PRKG1: variants seen among roughly 807,000 people sequenced by gnomAD.
The protein encoded by PRKG1 is protein kinase cGMP-dependent 1.
PRKG1 carries 35 observed loss-of-function variants against 88.1 expected under a neutral mutation model. That is an observed-to-expected ratio of 0.40 (90% CI 0.30 to 0.53). PRKG1 has a LOEUF of 0.53. PRKG1 is among the 20% of genes least tolerant of loss of function. The probability of loss-of-function intolerance (pLI) is 0.59; values close to 1 mark genes in which losing one functional copy is unlikely to be tolerated. For synonymous variants in PRKG1, 303 were observed against 292.5 expected (o/e 1.04, Z -0.37); for missense variants, 540 against 839.8 (o/e 0.64, Z 4.41).
intron 7 of PRKG1, among the ~76,000 whole-genome samples, chr10:52,084,082 G>A (rs1255275855): frequency 6.6e-6 from 1 of 152,024 alleles, no homozygotes; most frequent in Admixed American, 6.6e-5. Flanking sequence ...ATTTCTACAA[G>A]GGAAATAGCG....
rs151218890 is a variant in PRKG1, at chr10:51,711,262, C to T, written c.593-93323C>T. On this transcript the variant is annotated intron_variant, in intron 3 of 17. Transcript: ENST00000373980. Reference sequence around the variant, plus strand: ...CTAGGACTACAGGCGCCCGCCACCACGCCTGGCTAATTTTTTGTATTTTTA... The same window carrying T: ...CTAGGACTACAGGCGCCCGCCACCATGCCTGGCTAATTTTTTGTATTTTTA... Among the ~76,000 whole-genome samples the T allele has an allele frequency of 7.3e-3, 1,111 of 152,174 alleles. 12 individuals carry two copies. The highest frequency in any genetic ancestry group is 0.026 in the African/African-American group (1,062 of 41,508).
intron 3 of PRKG1, among the ~76,000 whole-genome samples, chr10:51,489,282 G>A (rs999587003): frequency 3.3e-5 from 5 of 152,138 alleles, no homozygotes; most frequent in Non-Finnish European, 7.4e-5. Flanking sequence ...AGGCAGACGG[G>A]ACAGGCATGC....
intron 2 of PRKG1, among the ~76,000 whole-genome samples, chr10:51,281,994 A>G (rs148569753): frequency 3.1e-3 from 467 of 152,320 alleles, no homozygotes; most frequent in Non-Finnish European, 4.3e-3. Flanking sequence ...ATCTCCCCAG[A>G]TAATTTCTAA....
chr10:51,392,784 G>T (rs1287449710), intron 2 of PRKG1, among the ~76,000 whole-genome samples: 2 of 140,238 alleles, frequency 1.4e-5, no homozygotes, highest in African/African-American at 5.1e-5. Context: ...CCTCCCTCCC[G>T]GACGGGGCGG....
chr10:52,083,299 T>C (rs1589591528), intron 7 of PRKG1, among the ~76,000 whole-genome samples: 2 of 152,212 alleles, frequency 1.3e-5, no homozygotes, highest in East Asian at 3.9e-4. Flanking sequence ...ACAATTCCAT[T>C]AATTGATTTT....
intron 7 of PRKG1, among the ~76,000 whole-genome samples, chr10:52,086,955 C>T (rs1030773837): frequency 5.3e-5 from 8 of 152,082 alleles, no homozygotes; most frequent in African/African-American, 1.9e-4. Flanking sequence ...GAGAAAAGCC[C>T]CTTATGAAAC....
At chr10:51,621,025 A>ATATATATATATATC (rs1234992888) in intron 3 of PRKG1, among the ~76,000 whole-genome samples, 4 of 146,816 alleles carry the variant, frequency 2.7e-5, no homozygotes, top group Non-Finnish European at 1.5e-5. Context: ...ATATATATAT[A>ATATATATATATATC]TATATATGAC....
intron 3 of PRKG1, among the ~76,000 whole-genome samples, chr10:51,786,547 TG>T (rs1477852053): frequency 6.6e-6 from 1 of 152,108 alleles, no homozygotes; most frequent in Non-Finnish European, 1.5e-5. Context: ...CTAGGTTTGA[TG>T]TTCCTGTGGG....
intron 2 of PRKG1, among the ~76,000 whole-genome samples, chr10:51,374,096 AT>A (rs1564466865): frequency 9.9e-6 from 1 of 100,790 alleles, no homozygotes; most frequent in African/African-American, 3.1e-5. Context: ...AAAAAAAAAT[AT>A]ATATATATAT....
chr10:51,755,077 T>G (rs1227026166), intron 3 of PRKG1, among the ~76,000 whole-genome samples: 1 of 152,178 alleles, frequency 6.6e-6, no homozygotes, highest in East Asian at 1.9e-4. Context: ...TTTCTCTCAT[T>G]TTTTAAGTAT....
chr10:51,617,529 G>C (rs965285960), intron 3 of PRKG1, among the ~76,000 whole-genome samples: 9 of 152,114 alleles, frequency 5.9e-5, no homozygotes, highest in African/African-American at 2.2e-4. Context: ...ACACCAGCAT[G>C]CACTGTTGTA....
intron 3 of PRKG1, among the ~76,000 whole-genome samples, chr10:51,667,297 A>G (rs545526722): frequency 6.6e-6 from 1 of 152,314 alleles, no homozygotes; most frequent in East Asian, 1.9e-4. Flanking sequence ...CTACATGTCA[A>G]ATATATTGTC....
intron 14 of PRKG1, among the ~76,000 whole-genome samples, chr10:52,286,711 G>T (rs894858605): frequency 1.3e-5 from 2 of 151,570 alleles, no homozygotes; most frequent in Non-Finnish European, 1.5e-5. Context: ...TTACAGAAGA[G>T]AAATCTCTAA....
In PRKG1 at chr10:51,581,715, G is replaced by A. The variant is rs1313363783; in HGVS notation, c.592+113879G>A. Among the ~76,000 whole-genome samples, 14 of 152,022 alleles carry A rather than the reference G, an allele frequency of 9.2e-5. No individual in the cohort carries two copies. The South Asian group carries it at 2.9e-3, about 32-fold the overall frequency. On this transcript the variant is annotated intron_variant, in intron 3 of 17. Coordinates refer to ENST00000373980, the MANE Select transcript of PRKG1 (RefSeq NM_006258.4). ...GCAATTTTATATTTACAATAATCAG[G>A]AGCATTTCATCTTTTATTCCATAGC...
chr10:52,258,337 T>G (rs1185557254), intron 10 of PRKG1, among the ~76,000 whole-genome samples: 1 of 139,624 alleles, frequency 7.2e-6, no homozygotes, highest in Non-Finnish European at 1.6e-5. Context: ...TTTTTTGTTT[T>G]CTATGACATA....
At chr10:51,703,959 A>T (rs1841536742) in intron 3 of PRKG1, among the ~76,000 whole-genome samples, 1 of 152,012 alleles carries the variant, frequency 6.6e-6, no homozygotes, top group African/African-American at 2.4e-5. Flanking sequence ...CAACATGGTG[A>T]AATGGTGAAA....
chr10:52,262,341 G>A (rs1365304858), intron 10 of PRKG1, among the ~76,000 whole-genome samples: 1 of 151,896 alleles, frequency 6.6e-6, no homozygotes, highest in Non-Finnish European at 1.5e-5. Context: ...GTACAATCTT[G>A]GCTCACTGCA....
chr10:51,800,408 A>G (rs889252632), intron 3 of PRKG1, among the ~76,000 whole-genome samples: 1 of 152,094 alleles, frequency 6.6e-6, no homozygotes, highest in Non-Finnish European at 1.5e-5. Context: ...CCTACCAAAC[A>G]TCATAGCTTT....
At chr10:51,275,066 A>G (rs1362182598) in intron 2 of PRKG1, among the ~76,000 whole-genome samples, 2 of 152,236 alleles carry the variant, frequency 1.3e-5, no homozygotes, top group African/African-American at 4.8e-5. Flanking sequence ...TTCTAACAGG[A>G]AAATTGAAAT....
Sources: allele counts gnomAD v4.1 joint callset (sites outside exome capture counted in the v4.1 genomes callset), GRCh38; gene constraint gnomAD v4.1.1; transcripts MANE v1.5; gene names NCBI Gene and HGNC (gene_info 2026-07-23, HGNC 2026-07-21).